The following LIMCH1 variants were observed in gnomAD, a reference collection of about 807,000 sequenced individuals.
The protein encoded by LIMCH1 is LIM and calponin homology domains 1.
Under a neutral mutation model 176.5 loss-of-function variants are expected in LIMCH1, and 113 were observed. That is an observed-to-expected ratio of 0.64 (90% confidence interval 0.55 to 0.75). LIMCH1 has a LOEUF of 0.75. LIMCH1 is among the 30% of genes least tolerant of loss of function. LIMCH1 has a pLI of 0.00. For missense variants in LIMCH1, 1,674 were observed against 1,814.9 expected, an observed-to-expected ratio of 0.92 and a Z score of 1.41; for synonymous variants, 619 against 645.9, an observed-to-expected ratio of 0.96 and a Z score of 0.63.
chr4:41,361,215 T>C (rs60137031), intron 1 of LIMCH1, among the ~76,000 whole-genome samples: 11,910 of 152,292 alleles, frequency 0.078, 743 homozygotes, highest in African/African-American at 0.17. Context: ...TCCTGCCCGC[T>C]GGCCTCGCAA....
chr4:41,408,839 A>G (rs1184261256), intron 1 of LIMCH1, among the ~76,000 whole-genome samples: 1 of 152,212 alleles, frequency 6.6e-6, no homozygotes, highest in African/African-American at 2.4e-5. Context: ...GGGGACAACT[A>G]TTGGCCCCAA....
upstream of LIMCH1, chr4:41,360,520 G>C (rs2051827865): frequency 5.8e-6 from 1 of 172,770 alleles, no homozygotes; most frequent in African/African-American, 2.4e-5. This position sits in a 1 kb window ranked among gnomAD's most constrained non-coding sequence, Gnocchi z 4.5. Flanking sequence ...CTCGCTCCGG[G>C]TTATTTTTAG....
At chr4:41,424,791 C>T (rs2060924261) in intron 1 of LIMCH1, among the ~76,000 whole-genome samples, 1 of 152,136 alleles carries the variant, frequency 6.6e-6, no homozygotes, top group Non-Finnish European at 1.5e-5. Flanking sequence ...TTAGCTGTTG[C>T]CCAGTCTGCC....
chr4:41,447,222 G>A (rs1171641826), intron 1 of LIMCH1, among the ~76,000 whole-genome samples: 3 of 152,160 alleles, frequency 2.0e-5, no homozygotes, highest in African/African-American at 7.2e-5. Flanking sequence ...GTGATAGAGC[G>A]AGACCCTGTC....
intron 22 of LIMCH1, 147 bp downstream of exon 22, chr4:41,671,741 T>A: frequency 1.6e-6 from 1 of 624,058 alleles, no homozygotes; most frequent in African/African-American, 1.9e-5. Context: ...GGCGGGTGGA[T>A]CACGAGGTCA....
intron 1 of LIMCH1, among the ~76,000 whole-genome samples, chr4:41,459,326 G>T (rs2065014001): frequency 6.6e-6 from 1 of 151,540 alleles, no homozygotes; most frequent in African/African-American, 2.4e-5. Context: ...TTTTTGACAG[G>T]GTCTTGCTCT....
At chr4:41,477,762 C>T (rs919607749) in intron 1 of LIMCH1, among the ~76,000 whole-genome samples, 1 of 152,126 alleles carries the variant, frequency 6.6e-6, no homozygotes, top group East Asian at 1.9e-4. Context: ...TGCGGTCAGT[C>T]CCAGCCCCAG....
rs2060332423 is a variant in LIMCH1, at chr4:41,419,620, T to TCCTTCCTTTCTTCC, written c.96+58684_96+58685insCCTTCCTTTCTTCC. Among the ~76,000 whole-genome samples the TCCTTCCTTTCTTCC allele has an allele frequency of 3.2e-5, 3 of 93,604 alleles. No individual in the cohort carries two copies. In the East Asian group the frequency reaches 7.8e-4, roughly 24 times the overall value. The allele number at this position is 93,604 out of a possible 152,430, so 61.4% of individuals were successfully genotyped here. A position where few individuals can be genotyped will look rare whatever the true frequency, so the allele number is the denominator to read the frequency against. On this transcript the variant is annotated intron_variant, in intron 1 of 26. Transcript: ENST00000313860. ...CTTCCTTCCGTCCTTCCTTCCTTCC[T>TCCTTCCTTTCTTCC]TCCTTCCTTCCTTCCTCCTTCCTTT...
intron 22 of LIMCH1, among the ~76,000 whole-genome samples, 185 bp downstream of exon 22, chr4:41,671,779 G>A (rs2095042978): frequency 6.6e-6 from 1 of 150,898 alleles, no homozygotes; most frequent in South Asian, 2.1e-4. Context: ...TGACTAACAT[G>A]GTGAAACACT....
At chr4:41,452,886 GTTC>G (rs2064067135) in intron 1 of LIMCH1, among the ~76,000 whole-genome samples, 1 of 152,162 alleles carries the variant, frequency 6.6e-6, no homozygotes, top group African/African-American at 2.4e-5. Flanking sequence ...AGATTAGCTG[GTTC>G]TTGAGGGTGG....
rs147008320 is a variant in LIMCH1, at chr4:41,477,408, A to G, written c.97-17128A>G. Among the ~76,000 whole-genome samples the G allele has an allele frequency of 4.7e-3, 719 of 152,242 alleles. 6 individuals are homozygous for G. The highest frequency in any genetic ancestry group is 0.015 in the African/African-American group (619 of 41,536). ...AGAGCTCAGGCTGGGTGTTCCCCCCACCATGACAACCTGTGTAAGCAGCTG... is the reference window on the plus strand; with the variant it reads ...AGAGCTCAGGCTGGGTGTTCCCCCCGCCATGACAACCTGTGTAAGCAGCTG... On this transcript the variant is annotated intron_variant, in intron 1 of 26. Coordinates refer to the LIMCH1 transcript ENST00000313860.
intron 2 of LIMCH1, among the ~76,000 whole-genome samples, chr4:41,601,308 TA>T (rs2089882414): frequency 6.6e-6 from 1 of 151,700 alleles, no homozygotes; most frequent in African/African-American, 2.4e-5. Flanking sequence ...GAGAAGAAAA[TA>T]AAATGGAGTG....
intron 31 of LIMCH1, among the ~76,000 whole-genome samples, chr4:41,694,963 T>A (rs1428794819): frequency 6.6e-6 from 1 of 152,084 alleles, no homozygotes; most frequent in Admixed American, 6.6e-5. Flanking sequence ...CTCATTGCTT[T>A]GATCTGTATT....
Position 41,401,475 on chromosome 4 carries a change from A to G in LIMCH1, c.96+40539A>G, listed in dbSNP as rs539117438. The stretch of plus-strand genomic sequence containing the variant: ...TGAAGTCAGGTAGCATGATGCCTCC[A>G]GCTTTGTTCTTTTGGCTTAGGATTG... On this transcript the variant is annotated intron_variant, in intron 1 of 26. Coordinates refer to the LIMCH1 transcript ENST00000313860. Among the ~76,000 whole-genome samples the G allele has an allele frequency of 2.0e-3, 312 of 152,256 alleles. 1 individual carries two copies. Among genetic ancestry groups the G allele is most frequent in the African/African-American group, 6.8e-3 (281 of 41,520 alleles).
chr4:41,441,897 T>C (rs1050397349), intron 1 of LIMCH1, among the ~76,000 whole-genome samples: 2 of 152,326 alleles, frequency 1.3e-5, no homozygotes, highest in Non-Finnish European at 2.9e-5. Context: ...GTGGGATATC[T>C]GCTAAGGAAA....
Position 41,493,233 on chromosome 4 carries a change from T to C in LIMCH1, c.97-1303T>C, listed in dbSNP as rs145134934. ...GGTTTAAGTCTATAATATATTGTTT[T>C]TCTATTTGCTCCTTCTGTTCTTTGT... On this transcript the variant is annotated intron_variant, in intron 1 of 26. Coordinates refer to the LIMCH1 transcript ENST00000313860. Among the ~76,000 whole-genome samples the C allele has an allele frequency of 4.0e-3, 615 of 152,236 alleles. 5 individuals are homozygous for C. Among genetic ancestry groups the C allele is most frequent in the African/African-American group, 0.014 (569 of 41,564 alleles).
At chr4:41,649,492 G>T in intron 17 of LIMCH1, among the ~76,000 whole-genome samples, 1 of 152,178 alleles carries the variant, frequency 6.6e-6, no homozygotes, top group Middle Eastern at 3.2e-3. Flanking sequence ...TCTAAATTCT[G>T]TACATTTGAT....
At chr4:41,491,316 A>G (rs13146640) in intron 1 of LIMCH1, among the ~76,000 whole-genome samples, 114 of 57,400 alleles carry the variant, frequency 2.0e-3, no homozygotes, top group South Asian at 9.7e-3. Flanking sequence ...CAGACGGGGC[A>G]GCCAGGCAGA....
At chr4:41,579,665 G>A (rs1269392532) in intron 1 of LIMCH1, among the ~76,000 whole-genome samples, 1 of 152,162 alleles carries the variant, frequency 6.6e-6, no homozygotes, top group African/African-American at 2.4e-5. Context: ...ACACTGCTGA[G>A]TGTAACAGCA....
Sources: allele counts gnomAD v4.1 joint callset (sites outside exome capture counted in the v4.1 genomes callset), GRCh38; gene constraint gnomAD v4.1.1; non-coding constraint Gnocchi (gnomAD v3.1); transcripts MANE v1.5; gene names NCBI Gene and HGNC (gene_info 2026-07-23, HGNC 2026-07-21).